Variants in AGO3 observed in about 807,000 individuals in gnomAD.
The protein encoded by AGO3 is argonaute RISC catalytic component 3.
AGO3 carries 16 observed loss-of-function variants against 105.5 expected under a neutral mutation model. That is an observed-to-expected ratio of 0.15 (90% CI 0.10 to 0.23). The LOEUF (loss-of-function observed/expected upper bound fraction) is 0.23, where lower values mean the gene tolerates loss of function less well. Ranked by LOEUF, AGO3 falls within the 10% of genes least tolerant of loss-of-function variation. AGO3 has a pLI of 1.00. For synonymous variants in AGO3, 340 were observed against 367.3 expected (o/e 0.93, Z 0.85); for missense variants, 534 against 1,088.0 (o/e 0.49, Z 7.16).
intron 2 of AGO3, among the ~76,000 whole-genome samples, chr1:35,960,588 G>T (rs1646655290): frequency 6.6e-6 from 1 of 152,008 alleles, no homozygotes; most frequent in African/African-American, 2.4e-5. Flanking sequence ...CAGGAGGATT[G>T]CTTGAACCCA....
Position 36,060,458 on chromosome 1 carries a change from A to G in AGO3, c.*4713A>G, listed in dbSNP as rs1643014940. 1 of 152,378 alleles carries G rather than the reference A, an allele frequency of 6.6e-6. No homozygotes were observed. The highest frequency in any genetic ancestry group is 2.1e-4 in the South Asian group (1 of 4,828). The allele number at this position is 152,378 out of a possible 1,614,324, so 9.4% of individuals were successfully genotyped here. A position where few individuals can be genotyped will look rare whatever the true frequency, so the allele number is the denominator to read the frequency against. On this transcript the variant is annotated 3_prime_UTR_variant, in exon 19 of 19. Coordinates refer to ENST00000373191, the MANE Select transcript of AGO3 (RefSeq NM_024852.4). The stretch of plus-strand genomic sequence containing the variant: ...GGAATTAGAGACCGTTTGTGACTCA[A>G]GGAACTTGATGGATCTGTTTAGAGC...
Position 35,958,531 on chromosome 1 carries a change from C to T in AGO3, c.192-8424C>T, listed in dbSNP as rs182696218. The stretch of plus-strand genomic sequence containing the variant: ...CAAAAATTAGCTGGGCATGGTGGCA[C>T]ACTCCTGTAGTCCCAGCTACTCGGG... On this transcript the variant is annotated intron_variant, in intron 2 of 18. Transcript: ENST00000373191. 4.4e-3 allele frequency among the ~76,000 whole-genome samples: 663 copies of T among 152,060 alleles called. 2 individuals are homozygous for T. Among genetic ancestry groups the T allele is most frequent in the African/African-American group, 0.015 (628 of 41,488 alleles).
chr1:36,048,499 A>T (rs1343317769), intron 17 of AGO3, among the ~76,000 whole-genome samples: 1 of 152,222 alleles, frequency 6.6e-6, no homozygotes, highest in Non-Finnish European at 1.5e-5. Flanking sequence ...TAGAACAGAT[A>T]CACAAGAAAG....
Position 36,055,176 on chromosome 1 carries a change from A to G in AGO3, c.2474+31A>G. On this transcript the variant is annotated intron_variant, in intron 18 of 18. Coordinates refer to ENST00000373191, the MANE Select transcript of AGO3 (RefSeq NM_024852.4). This position sits in a 1 kb window ranked among gnomAD's most constrained non-coding sequence, Gnocchi z 4.4. The stretch of plus-strand genomic sequence containing the variant: ...ATAAAAGCATAACAGGTTCTCACCC[A>G]AATCCCAATATTGTCTGCATGGTAG... 1 of 1,552,476 alleles carries G rather than the reference A, an allele frequency of 6.4e-7. No individual in the cohort carries two copies. The highest frequency in any genetic ancestry group is 1.2e-5 in the South Asian group (1 of 85,256).
chr1:35,953,167 G>T (rs1646503900), intron 2 of AGO3, among the ~76,000 whole-genome samples: 1 of 152,110 alleles, frequency 6.6e-6, no homozygotes, highest in South Asian at 2.1e-4. Flanking sequence ...GGTGGCTCAT[G>T]CCTGTAATCC....
intron 5 of AGO3, among the ~76,000 whole-genome samples, chr1:35,992,772 G>T (rs376704422): frequency 6.6e-6 from 1 of 152,152 alleles, no homozygotes; most frequent in African/African-American, 2.4e-5. Context: ...ATTCCAAAAC[G>T]TAGTGACTCA....
chr1:35,952,287 C>G (rs914618545), intron 2 of AGO3, among the ~76,000 whole-genome samples: 1 of 151,414 alleles, frequency 6.6e-6, no homozygotes, highest in Non-Finnish European at 1.5e-5. Flanking sequence ...GGACTACAGG[C>G]GCCTGCCACC....
intron 9 of AGO3, among the ~76,000 whole-genome samples, chr1:36,012,724 A>G (rs1179422007): frequency 6.6e-6 from 1 of 152,112 alleles, no homozygotes; most frequent in Non-Finnish European, 1.5e-5. Context: ...TTTAGGTGAG[A>G]TATTTCTTTC....
chr1:36,029,841 T>C (rs1188947224), intron 12 of AGO3, among the ~76,000 whole-genome samples: 1 of 151,718 alleles, frequency 6.6e-6, no homozygotes, highest in Non-Finnish European at 1.5e-5. Flanking sequence ...TATAGGCGCG[T>C]GCCACCATGC....
intron 5 of AGO3, among the ~76,000 whole-genome samples, chr1:36,002,808 G>A (rs1254836798): frequency 2.1e-5 from 3 of 146,290 alleles, no homozygotes; most frequent in Non-Finnish European, 4.5e-5. Context: ...AAAAGTTTAC[G>A]CTCCTGACCT....
chr1:35,962,426 C>T (rs1396490716), intron 2 of AGO3, among the ~76,000 whole-genome samples: 1 of 151,700 alleles, frequency 6.6e-6, no homozygotes, highest in Non-Finnish European at 1.5e-5. Flanking sequence ...GCCTGTAGTC[C>T]CAGCTACTCG....
intron 5 of AGO3, among the ~76,000 whole-genome samples, chr1:35,998,173 A>C (rs1174686651): frequency 6.6e-6 from 1 of 152,078 alleles, no homozygotes; most frequent in African/African-American, 2.4e-5. Context: ...ATCTAGATAC[A>C]TTTTCCCCTA....
chr1:36,035,217 G>A (rs114627323), intron 13 of AGO3, among the ~76,000 whole-genome samples: 2,114 of 152,154 alleles, frequency 0.014, 45 homozygotes, highest in African/African-American at 0.049. Context: ...AGCCCAACAT[G>A]GTGAAACTTT....
chr1:36,013,908 C>T lies in AGO3; in HGVS notation c.1273-7C>T, dbSNP rs770723201. ...TTTCACCATGTTATTTTTTTCTCCT[C>T]GTGTAGAATCGGACAGTAGCAACAC... On this transcript the variant is annotated splice_region_variant and splice_polypyrimidine_tract_variant and intron_variant, in intron 10 of 18. Coordinates refer to ENST00000373191, the MANE Select transcript of AGO3 (RefSeq NM_024852.4). 25 of 1,605,042 alleles carry T rather than the reference C, an allele frequency of 1.6e-5. No homozygotes were observed. The highest frequency in any genetic ancestry group is 1.2e-4 in the South Asian group (11 of 89,006).
At chr1:35,996,102 G>A (rs1639788443) in intron 5 of AGO3, among the ~76,000 whole-genome samples, 1 of 152,096 alleles carries the variant, frequency 6.6e-6, no homozygotes, top group Admixed American at 6.5e-5. Context: ...ACTTTGGGAG[G>A]CCTAGGCAAG....
chr1:35,937,060 A>G (rs1307638313), intron 1 of AGO3, among the ~76,000 whole-genome samples: 1 of 152,076 alleles, frequency 6.6e-6, no homozygotes. Flanking sequence ...TAGATTGCAA[A>G]ATGGGCTCTT....
chr1:35,948,122 G>C (rs919622272), intron 2 of AGO3, among the ~76,000 whole-genome samples: 1 of 152,006 alleles, frequency 6.6e-6, no homozygotes, highest in Non-Finnish European at 1.5e-5. Context: ...TAAAGATCTG[G>C]GGCTTGAGGG....
At chr1:36,053,839 C>A (rs901068876) in intron 17 of AGO3, among the ~76,000 whole-genome samples, 2 of 148,636 alleles carry the variant, frequency 1.3e-5, no homozygotes, top group African/African-American at 5.0e-5. Flanking sequence ...ACCTCCAACT[C>A]CCTGGTTCAA....
chr1:35,952,388 C>T (rs1646490821), intron 2 of AGO3, among the ~76,000 whole-genome samples: 1 of 151,974 alleles, frequency 6.6e-6, no homozygotes. Flanking sequence ...AATGATCTGC[C>T]TACCTCGGCC....
Sources: allele counts gnomAD v4.1 joint callset (sites outside exome capture counted in the v4.1 genomes callset), GRCh38; gene constraint gnomAD v4.1.1; non-coding constraint Gnocchi (gnomAD v3.1); transcripts MANE v1.5; gene names NCBI Gene and HGNC (gene_info 2026-07-23, HGNC 2026-07-21).